Variants in GTF2F2 observed in about 807,000 individuals in gnomAD.
GTF2F2 encodes ATP-dependent helicase GTF2F2.
GTF2F2 carries 23 observed loss-of-function variants against 42.2 expected under a neutral mutation model. The observed-to-expected ratio is 0.55, with a 90% CI of 0.39 to 0.77. GTF2F2 has a LOEUF of 0.77. Among genes scored for constraint, GTF2F2 ranks in the 30% least tolerant of loss-of-function variants. The pLI, the probability that GTF2F2 is intolerant of heterozygous loss-of-function variation, is 0.00. For synonymous variants in GTF2F2, 105 were observed against 100.8 expected, an observed-to-expected ratio of 1.04 and a Z score of -0.25; for missense variants, 261 against 287.2, an observed-to-expected ratio of 0.91 and a Z score of 0.66.
At chr13:45,214,597 C>T (rs1300700577) in intron 5 of GTF2F2, among the ~76,000 whole-genome samples, 3 of 152,134 alleles carry the variant, frequency 2.0e-5, no homozygotes, top group African/African-American at 7.2e-5. Flanking sequence ...CTTTATCTGA[C>T]ATTAGTTTGG....
intron 4 of GTF2F2, among the ~76,000 whole-genome samples, chr13:45,164,153 A>G (rs529045488): frequency 4.7e-4 from 72 of 152,154 alleles, no homozygotes; most frequent in African/African-American, 1.7e-3. Context: ...GGTGGCAGAC[A>G]CCTGTAATCT....
chr13:45,274,067 G>T (rs1037287391), intron 7 of GTF2F2, among the ~76,000 whole-genome samples: 4 of 152,104 alleles, frequency 2.6e-5, no homozygotes, highest in Non-Finnish European at 1.5e-5. Context: ...ACTGGCAGAG[G>T]ACCTTGTACT....
At chr13:45,282,578 C>A in intron 7 of GTF2F2, among the ~76,000 whole-genome samples, 1 of 152,206 alleles carries the variant, frequency 6.6e-6, no homozygotes, top group East Asian at 1.9e-4. Context: ...AGTCTCAGCT[C>A]ACTGCAACCT....
In GTF2F2 at chr13:45,177,717, A is replaced by T. The variant is rs528290696; in HGVS notation, c.304+25886A>T. ...TGCCTCCTCTAAATGAAAAAGTAAGAGTTCCTAACTTAATAAGGAAAGGAA... is the reference window on the plus strand; with the variant it reads ...TGCCTCCTCTAAATGAAAAAGTAAGTGTTCCTAACTTAATAAGGAAAGGAA... On this transcript the variant is annotated intron_variant, in intron 4 of 7. Transcript: ENST00000340473. Among the ~76,000 whole-genome samples, 13 of 152,322 alleles carry T rather than the reference A, an allele frequency of 8.5e-5. No homozygotes were observed. The South Asian group carries it at 2.5e-3, about 29-fold the overall frequency.
chr13:45,205,601 C>A (rs371030501), intron 4 of GTF2F2, among the ~76,000 whole-genome samples: 1 of 152,136 alleles, frequency 6.6e-6, no homozygotes, highest in African/African-American at 2.4e-5. Flanking sequence ...CTCACTGCAA[C>A]CTTTGCCTCC....
rs1463266613 is a variant in GTF2F2, at chr13:45,275,193, T to A, written c.630+7817T>A. On this transcript the variant is annotated intron_variant, in intron 7 of 7. Coordinates refer to ENST00000340473, the MANE Select transcript of GTF2F2 (RefSeq NM_004128.3). Reference sequence around the variant, plus strand: ...ACATAATATTTTTATGTTTTATCCATGTTGTGGCACACATCAGTACAGCTG... The same window carrying A: ...ACATAATATTTTTATGTTTTATCCAAGTTGTGGCACACATCAGTACAGCTG... 3.3e-5 allele frequency among the ~76,000 whole-genome samples: 5 copies of A among 152,192 alleles called. No homozygotes were observed. The East Asian group carries it at 9.6e-4, about 29-fold the overall frequency.
At position 45,187,182 on chromosome 13, in the gene GTF2F2, G is replaced by A. The variant is rs1028425933; in HGVS notation, c.305-20242G>A. On this transcript the variant is annotated intron_variant, in intron 4 of 7. Transcript: ENST00000340473. Reference sequence around the variant, plus strand: ...AGGCAGGAGGATTGCTTGAGCCCAGGAGTTTGAGACCAGCCTGGGCAACAA... The same window carrying A: ...AGGCAGGAGGATTGCTTGAGCCCAGAAGTTTGAGACCAGCCTGGGCAACAA... Among the ~76,000 whole-genome samples the A allele has an allele frequency of 1.4e-3, 218 of 152,150 alleles. 3 individuals carry two copies. Among genetic ancestry groups the A allele is most frequent in the Non-Finnish European group, 3.5e-4 (24 of 67,980 alleles).
chr13:45,277,614 A>G lies in GTF2F2; in HGVS notation c.631-5828A>G, dbSNP rs558553172. Among the ~76,000 whole-genome samples, 4 of 152,304 alleles carry G rather than the reference A, an allele frequency of 2.6e-5. No individual in the cohort carries two copies. The South Asian group carries it at 8.3e-4, about 32-fold the overall frequency. ...CACGTTTGATCACAGTTTCTTCCTAATGTGTAGTTTATATTTTAACAGAAG... is the reference window on the plus strand; with the variant it reads ...CACGTTTGATCACAGTTTCTTCCTAGTGTGTAGTTTATATTTTAACAGAAG... On this transcript the variant is annotated intron_variant, in intron 7 of 7. Coordinates refer to ENST00000340473, the MANE Select transcript of GTF2F2 (RefSeq NM_004128.3).
chr13:45,201,560 C>T (rs539804630), intron 4 of GTF2F2, among the ~76,000 whole-genome samples: 4 of 152,264 alleles, frequency 2.6e-5, no homozygotes, highest in African/African-American at 7.2e-5. Flanking sequence ...GTGACAGAAT[C>T]TTAACTAGAA....
intron 4 of GTF2F2, among the ~76,000 whole-genome samples, chr13:45,182,100 C>G (rs774592904): frequency 1.3e-5 from 2 of 152,094 alleles, no homozygotes; most frequent in Non-Finnish European, 2.9e-5. Flanking sequence ...GACCATGTCT[C>G]TCTTCCAGCT....
At chr13:45,132,441 T>TTTA (rs1566109205) in intron 1 of GTF2F2, among the ~76,000 whole-genome samples, 1 of 152,052 alleles carries the variant, frequency 6.6e-6, no homozygotes, top group Non-Finnish European at 1.5e-5. Flanking sequence ...GTGTTTTTTT[T>TTTA]TTTTGGTTTG....
At chr13:45,261,425 C>CA (rs976923932) in intron 6 of GTF2F2, among the ~76,000 whole-genome samples, 5,368 of 58,506 alleles carry the variant, frequency 0.092, 377 homozygotes, top group Middle Eastern at 0.19. Context: ...GACTCCATCT[C>CA]AAAAAAAAAA....
chr13:45,145,227 G>A (rs1870135672), intron 2 of GTF2F2, among the ~76,000 whole-genome samples: 1 of 152,200 alleles, frequency 6.6e-6, no homozygotes, highest in Admixed American at 6.5e-5. Context: ...GTGAGTGATG[G>A]AAAGATTAAT....
chr13:45,254,019 G>A (rs1384515043), intron 6 of GTF2F2, among the ~76,000 whole-genome samples: 1 of 149,166 alleles, frequency 6.7e-6, no homozygotes, highest in Non-Finnish European at 1.5e-5. Context: ...CCGAGATCAC[G>A]CCACTGCACT....
intron 6 of GTF2F2, chr13:45,263,789 T>C: frequency 6.2e-6 from 1 of 161,120 alleles, no homozygotes; most frequent in East Asian, 1.7e-4. Flanking sequence ...TCCCTGGGGG[T>C]TGCAGCTCTC....
chr13:45,144,457 C>CTTTTTTTTTTTTTTTTTT (rs11326737), intron 2 of GTF2F2, among the ~76,000 whole-genome samples: 1 of 74,038 alleles, frequency 1.4e-5, no homozygotes, highest in African/African-American at 5.3e-5. Context: ...TTTTTTTGGT[C>CTTTTTTTTTTTTTTTTTT]TTTTTTTTTT....
intron 1 of GTF2F2, chr13:45,123,240 G>T (rs1307318004): frequency 1.3e-5 from 2 of 152,256 alleles, no homozygotes; most frequent in Non-Finnish European, 2.9e-5. Flanking sequence ...GACCAAAGAG[G>T]ATGACCATCC....
intron 4 of GTF2F2, chr13:45,206,285 A>G (rs902743961): frequency 2.0e-5 from 3 of 152,112 alleles, no homozygotes; most frequent in African/African-American, 7.2e-5. Context: ...CTAAAAAAAG[A>G]TTTTTTAGTA....
At chr13:45,273,109 G>A (rs1325723080) in intron 7 of GTF2F2, among the ~76,000 whole-genome samples, 1 of 151,410 alleles carries the variant, frequency 6.6e-6, no homozygotes, top group Non-Finnish European at 1.5e-5. Flanking sequence ...TATTTTTTTA[G>A]TAGAGACGGG....
Sources: gnomAD v4.1 joint callset for allele counts (sites outside exome capture counted in the v4.1 genomes callset) on GRCh38, gnomAD v4.1.1 for gene constraint, MANE v1.5 for transcripts, NCBI Gene and HGNC (gene_info 2026-07-23, HGNC 2026-07-21) for gene names.